Variants in TRERF1 observed in about 807,000 individuals in gnomAD.
TRERF1 encodes the protein transcriptional-regulating factor 1.
TRERF1 carries 27 observed loss-of-function variants against 122.9 expected under a neutral mutation model. The ratio of observed to expected loss-of-function variants is 0.22; its 90% confidence interval spans 0.16 to 0.30. TRERF1 has a LOEUF of 0.30. Ranked by LOEUF, TRERF1 falls within the 10% of genes least tolerant of loss-of-function variation. The pLI is 1.00. For synonymous variants in TRERF1, 636 were observed against 641.7 expected (o/e 0.99, Z 0.13); for missense variants, 1,248 against 1,560.3 (o/e 0.80, Z 3.37).
intron 4 of TRERF1, among the ~76,000 whole-genome samples, chr6:42,273,949 A>T (rs1277773823): frequency 2.0e-5 from 3 of 152,240 alleles, no homozygotes; most frequent in Non-Finnish European, 4.4e-5. Flanking sequence ...TGCTTTGTTA[A>T]GTCTTCCCAA....
chr6:42,263,309 G>T lies in TRERF1; in HGVS notation c.1884+11C>A. On this transcript the variant is annotated intron_variant, in intron 8 of 17. Transcript: ENST00000372922. The surrounding 1 kb of genome is among the most constrained non-coding windows in gnomAD (Gnocchi z 5.6). ...TTGGGGTGAGTGTGGGGGAGAGAGG[G>T]TCATCCTCACGAGCACAGGCATCTC... 6.2e-7 allele frequency: 1 copy of T among 1,607,084 alleles called. No homozygotes were observed. Among genetic ancestry groups the T allele is most frequent in the African/African-American group, 1.3e-5 (1 of 75,034 alleles).
At chr6:42,363,388 C>T (rs1237114747) in intron 2 of TRERF1, among the ~76,000 whole-genome samples, 4 of 152,322 alleles carry the variant, frequency 2.6e-5, no homozygotes, top group East Asian at 1.9e-4. Flanking sequence ...CCAGCTTCAA[C>T]GTAAAGTAAT....
intron 2 of TRERF1, among the ~76,000 whole-genome samples, chr6:42,413,357 G>A (rs1177779911): frequency 6.6e-6 from 1 of 151,712 alleles, no homozygotes; most frequent in Admixed American, 6.6e-5. Flanking sequence ...ACTCCCCAAA[G>A]GTAGACCCCA....
At chr6:42,335,804 G>A (rs184855953) in intron 3 of TRERF1, among the ~76,000 whole-genome samples, 15 of 152,260 alleles carry the variant, frequency 9.9e-5, no homozygotes, top group African/African-American at 3.1e-4. Flanking sequence ...CTTCCATTGC[G>A]TGCTGACATA....
intron 3 of TRERF1, among the ~76,000 whole-genome samples, chr6:42,361,746 C>T (rs1245460709): frequency 6.6e-6 from 1 of 152,178 alleles, no homozygotes; most frequent in Non-Finnish European, 1.5e-5. Flanking sequence ...TGAGACTGTT[C>T]CCATTCGCTC....
At chr6:42,323,603 T>C (rs188776630) in intron 3 of TRERF1, among the ~76,000 whole-genome samples, 4 of 152,096 alleles carry the variant, frequency 2.6e-5, no homozygotes, top group Admixed American at 1.3e-4. Flanking sequence ...TCCCAGCAAT[T>C]TGACAATAGG....
chr6:42,264,859 T>C lies in TRERF1; in HGVS notation c.1485-5A>G. 1 of 1,613,936 alleles carries C rather than the reference T, an allele frequency of 6.2e-7. No individual in the cohort carries two copies. The highest frequency in any genetic ancestry group is 8.5e-7 in the Non-Finnish European group (1 of 1,179,920). On this transcript the variant is annotated splice_region_variant and splice_polypyrimidine_tract_variant and intron_variant, in intron 6 of 17. Coordinates refer to ENST00000372922, the Ensembl canonical transcript of TRERF1. ...AACGCTCCTTTGGGTTGGCCACTGCTCAAGGGAAGAGTCAAATGGAGAGGA... is the reference window on the plus strand; with the variant it reads ...AACGCTCCTTTGGGTTGGCCACTGCCCAAGGGAAGAGTCAAATGGAGAGGA...
At chr6:42,273,850 C>T (rs1421147378) in intron 4 of TRERF1, among the ~76,000 whole-genome samples, 2 of 152,308 alleles carry the variant, frequency 1.3e-5, no homozygotes, top group Middle Eastern at 3.4e-3. Flanking sequence ...GAAACTCACC[C>T]GACTTTGAGC....
chr6:42,322,861 T>C (rs922127981), intron 3 of TRERF1, among the ~76,000 whole-genome samples: 1 of 152,032 alleles, frequency 6.6e-6, no homozygotes, highest in Non-Finnish European at 1.5e-5. Context: ...TTGGATCTCC[T>C]ACTGGTGCCT....
At chr6:42,442,760 G>A (rs1331661671) in intron 2 of TRERF1, among the ~76,000 whole-genome samples, 3 of 152,262 alleles carry the variant, frequency 2.0e-5, no homozygotes, top group East Asian at 3.9e-4. Flanking sequence ...TGGTTTCCAC[G>A]ATCTTTTACA....
intron 2 of TRERF1, among the ~76,000 whole-genome samples, chr6:42,442,965 A>G (rs996148724): frequency 6.6e-6 from 1 of 152,218 alleles, no homozygotes; most frequent in Non-Finnish European, 1.5e-5. Flanking sequence ...CAGCTATAAA[A>G]TGAGGATATC....
intron 8 of TRERF1, among the ~76,000 whole-genome samples, chr6:42,261,931 T>G (rs1430442484): frequency 6.6e-6 from 1 of 152,116 alleles, no homozygotes; most frequent in Non-Finnish European, 1.5e-5. Context: ...CAGTCACACT[T>G]AAAGCATCAA....
chr6:42,281,540 G>A (rs1407688997), intron 4 of TRERF1, among the ~76,000 whole-genome samples: 8 of 152,184 alleles, frequency 5.3e-5, no homozygotes, highest in Admixed American at 5.2e-4. Context: ...ATGGAACACA[G>A]CAAACAAGTT....
intron 4 of TRERF1, among the ~76,000 whole-genome samples, 197 bp downstream of exon 4, chr6:42,300,441 C>T (rs773364443): frequency 5.3e-5 from 8 of 152,200 alleles, no homozygotes; most frequent in Non-Finnish European, 1.0e-4. Context: ...TCAGTCCTTT[C>T]TGCTCCATAT....
intron 2 of TRERF1, among the ~76,000 whole-genome samples, chr6:42,412,679 C>T (rs1781285436): frequency 6.6e-6 from 1 of 152,112 alleles, no homozygotes. Context: ...AATCCCAGAA[C>T]TTTGGGAAGC....
intron 4 of TRERF1, among the ~76,000 whole-genome samples, chr6:42,277,908 A>AGAAG (rs1554141684): frequency 1.6e-3 from 77 of 48,752 alleles, no homozygotes; most frequent in African/African-American, 4.6e-3. Context: ...GGAAGAAGGA[A>AGAAG]GAAGAAGAAG....
intron 13 of TRERF1, among the ~76,000 whole-genome samples, chr6:42,247,116 C>T (rs1437765940): frequency 1.4e-4 from 21 of 152,118 alleles, no homozygotes; most frequent in Admixed American, 1.4e-3. Context: ...ACACCACACT[C>T]AGGTTAGGGC....
intron 9 of TRERF1, among the ~76,000 whole-genome samples, chr6:42,258,852 A>G (rs943767878): frequency 6.6e-6 from 1 of 152,114 alleles, no homozygotes; most frequent in African/African-American, 2.4e-5. Context: ...CTCCTGCCTC[A>G]GCTTCCCAAG....
rs57401243 is a variant in TRERF1 at position 42,349,516 on chromosome 6, C to T, written c.-371+13481G>A. ...TTCTAACTCCTCACGAAACCTGTGG[C>T]TCCATAAGCTACCCAGTGAACCATT... On this transcript the variant is annotated intron_variant, in intron 3 of 17. Coordinates refer to ENST00000372922, the Ensembl canonical transcript of TRERF1. 9.6e-3 allele frequency among the ~76,000 whole-genome samples: 1,466 copies of T among 152,204 alleles called. 29 individuals carry two copies. The highest frequency in any genetic ancestry group is 0.033 in the African/African-American group (1,362 of 41,500).
Sources: allele counts gnomAD v4.1 joint callset (sites outside exome capture counted in the v4.1 genomes callset), GRCh38; gene constraint gnomAD v4.1.1; non-coding constraint Gnocchi (gnomAD v3.1); transcripts MANE v1.5; gene names NCBI Gene and HGNC (gene_info 2026-07-23, HGNC 2026-07-21).